RNF111: variants seen among roughly 807,000 people sequenced by gnomAD.
The protein encoded by RNF111 is E3 ubiquitin-protein ligase Arkadia.
Under a neutral mutation model 95.1 loss-of-function variants are expected in RNF111, and 17 were observed. That is an observed-to-expected ratio of 0.18 (90% CI 0.12 to 0.27). RNF111 has a LOEUF of 0.27. Ranked by LOEUF, RNF111 falls within the 10% of genes least tolerant of loss-of-function variation. The pLI is 1.00. For missense variants in RNF111, 1,189 were observed against 1,210.4 expected (o/e 0.98, Z 0.26); for synonymous variants, 440 against 414.8 (o/e 1.06, Z -0.74).
rs1327512697 is a variant in RNF111 at position 59,045,363 on chromosome 15, G to A, written c.881-6942G>A. 3.3e-5 allele frequency among the ~76,000 whole-genome samples: 5 copies of A among 151,786 alleles called. 1 individual carries two copies. Among genetic ancestry groups the A allele is most frequent in the Admixed American group, 3.3e-4 (5 of 15,240 alleles). Reference sequence around the variant, plus strand: ...CTGCCACCACACCTGGCTACTTTTTGCATTTTTAGTAGAGACGGGGTTTTA... The same window carrying A: ...CTGCCACCACACCTGGCTACTTTTTACATTTTTAGTAGAGACGGGGTTTTA... On this transcript the variant is annotated intron_variant, in intron 2 of 13. Transcript: ENST00000348370.
At chr15:59,093,780 G>A (rs187253149) in intron 13 of RNF111, among the ~76,000 whole-genome samples, 14 of 151,682 alleles carry the variant, frequency 9.2e-5, no homozygotes, top group Non-Finnish European at 8.8e-5. Context: ...TAACTTTGTC[G>A]TACCTCTTCA....
chr15:59,019,849 C>T (rs2040246225), intron 1 of RNF111, among the ~76,000 whole-genome samples: 1 of 151,982 alleles, frequency 6.6e-6, no homozygotes, highest in Admixed American at 6.6e-5. Flanking sequence ...GTCCTAGCTG[C>T]TCGGGAGGCT....
chr15:59,071,703 A>T (rs75368214), intron 6 of RNF111, among the ~76,000 whole-genome samples: 9 of 146,166 alleles, frequency 6.2e-5, no homozygotes, highest in Admixed American at 4.7e-4. Context: ...AAAAAAAAAA[A>T]AATAAAGTTT....
At chr15:59,081,338 A>T (rs190089576) in intron 8 of RNF111, 54 bp downstream of exon 8, 1 of 1,449,484 alleles carries the variant, frequency 6.9e-7, no homozygotes, top group East Asian at 2.4e-5. Context: ...TTCTACTTCC[A>T]TTGGTCTTTA....
chr15:59,089,794 G>A, intron 11 of RNF111, 35 bp downstream of exon 11: 1 of 1,412,464 alleles, frequency 7.1e-7, no homozygotes, highest in Non-Finnish European at 1.0e-6. Context: ...GTTTGTCACA[G>A]TATCTTTAAT....
chr15:59,019,105 A>ATTTTTTTTTTTTTTTTTTTTTTTT (rs35154303), intron 1 of RNF111, among the ~76,000 whole-genome samples: 2 of 121,260 alleles, frequency 1.6e-5, no homozygotes, highest in African/African-American at 3.1e-5. Context: ...GTATTTTTGT[A>ATTTTTTTTTTTTTTTTTTTTTTTT]TTTTTTTTTT....
Position 59,055,762 on chromosome 15 carries a change from G to C in RNF111, c.1088G>C (p.Arg363Pro). ...SSHASRPQEP[R>P]NRSRISTVIQ... is the part of the protein sequence containing the mutation. The stretch of plus-strand genomic sequence containing the variant: ...CATGCAAGTCGGCCACAGGAGCCAC[G>C]GAACCGCAGTAGGATTTCTACTGTT... Residue 363 changes from arginine to proline, a missense_variant, in exon 4 of 14, where the codon CGG (arginine) becomes CCG (proline). Transcript: ENST00000348370. 1 of 1,613,904 alleles carries C rather than the reference G, an allele frequency of 6.2e-7. No individual in the cohort carries two copies. The highest frequency in any genetic ancestry group is 2.2e-5 in the East Asian group (1 of 44,852).
At chr15:59,045,183 T>C (rs949656475) in intron 2 of RNF111, among the ~76,000 whole-genome samples, 1 of 150,874 alleles carries the variant, frequency 6.6e-6, no homozygotes, top group African/African-American at 2.4e-5. Flanking sequence ...TTTTTTTAAG[T>C]GTTTCCTCTT....
intron 1 of RNF111, among the ~76,000 whole-genome samples, chr15:59,008,411 G>T (rs1036353869): frequency 2.2e-4 from 34 of 152,096 alleles, no homozygotes; most frequent in South Asian, 2.1e-4. Flanking sequence ...TAGAGACAGG[G>T]TCTCACTTTA....
chr15:58,992,768 C>T (rs1234559676), intron 1 of RNF111, among the ~76,000 whole-genome samples: 2 of 151,998 alleles, frequency 1.3e-5, no homozygotes, highest in African/African-American at 4.8e-5. Flanking sequence ...TGCAATGAGC[C>T]GAGATTGTGC....
At position 59,030,831 on chromosome 15, in the gene RNF111, A is replaced by G. The variant is rs141630373; in HGVS notation, c.9A>G (p.Gln3=). 5.0e-5 allele frequency: 78 copies of G among 1,564,626 alleles called. No homozygotes were observed. The highest frequency in any genetic ancestry group is 3.3e-4 in the African/African-American group (22 of 65,900). The change falls in exon 2 of 14, where the codon CAA becomes CAG. Residue 3 remains glutamine (Q), a synonymous_variant. Transcript: ENST00000348370. ...TTTCCTTAAAGTTTCCCATGTCTCA[A>G]TGGACTCCTGAATATAACGAGCTCT... MS[Q]WTPEYNELYT...
rs760760608 is a variant in RNF111 at position 59,031,629 on chromosome 15, A to G, written c.807A>G (p.Ser269=). 2 of 1,614,218 alleles carry G rather than the reference A, an allele frequency of 1.2e-6. No homozygotes were observed. The highest frequency in any genetic ancestry group is 2.2e-5 in the East Asian group (1 of 44,886). The stretch of plus-strand genomic sequence containing the variant: ...TCAGCAGTGAATCCTCTTCTAGCTC[A>G]TCAACTGAAGGAGAAGAAGATTTGT... ...NDLSSESSSS[S]STEGEEDLFV... is the part of the protein sequence containing the mutation. The change falls in exon 2 of 14, where the codon TCA becomes TCG. Residue 269 remains serine (S), a synonymous_variant. Coordinates refer to ENST00000348370, the MANE Select transcript of RNF111 (RefSeq NM_017610.8).
chr15:59,008,790 T>TA (rs1436401065), intron 1 of RNF111, among the ~76,000 whole-genome samples: 4 of 152,126 alleles, frequency 2.6e-5, no homozygotes, highest in East Asian at 3.9e-4. Flanking sequence ...GCTTATACTT[T>TA]AAAAAAAATC....
chr15:59,057,435 G>A (rs1233356393), intron 4 of RNF111, among the ~76,000 whole-genome samples: 1 of 152,100 alleles, frequency 6.6e-6, no homozygotes, highest in Non-Finnish European at 1.5e-5. Context: ...TTACCTTACT[G>A]CATTGTATAG....
At position 59,030,899 on chromosome 15, in the gene RNF111, C is replaced by T. The variant is rs1481362427; in HGVS notation, c.77C>T (p.Ala26Val). 1 of 1,614,034 alleles carries T rather than the reference C, an allele frequency of 6.2e-7. No individual in the cohort carries two copies. The highest frequency in any genetic ancestry group is 1.7e-5 in the Admixed American group (1 of 60,004). Residue 26 changes from alanine (A) to valine (V), a missense_variant, in exon 2 of 14, where the codon GCA (alanine) becomes GTA (valine). This residue lies in a region of RNF111 where 1,024 missense variants were observed against 925.9 expected (regional missense o/e 1.11). Transcript: ENST00000348370. The part of the protein sequence containing the change: ...VDMKSEIPSD[A>V]PKTQESLKGI... Reference sequence around the variant, plus strand: ...ATGAAGAGTGAGATTCCTTCTGATGCACCAAAGACACAGGAGAGTCTGAAA... The same window carrying T: ...ATGAAGAGTGAGATTCCTTCTGATGTACCAAAGACACAGGAGAGTCTGAAA...
At chr15:59,006,273 A>G (rs537990747) in intron 1 of RNF111, among the ~76,000 whole-genome samples, 40 of 152,334 alleles carry the variant, frequency 2.6e-4, no homozygotes, top group African/African-American at 9.4e-4. Context: ...ATTTTGGCAA[A>G]TGTGTCTGTC....
chr15:59,013,989 C>T (rs1428016199), intron 1 of RNF111, among the ~76,000 whole-genome samples: 1 of 152,100 alleles, frequency 6.6e-6, no homozygotes, highest in Non-Finnish European at 1.5e-5. Flanking sequence ...AAAGGTTTCA[C>T]TATATTGCCC....
At chr15:59,068,630 A>G (rs1396897968) in intron 6 of RNF111, among the ~76,000 whole-genome samples, 2 of 151,504 alleles carry the variant, frequency 1.3e-5, no homozygotes, top group Non-Finnish European at 2.9e-5. Context: ...TTTTTTTGAG[A>G]TGGAGTGTCA....
intron 5 of RNF111, among the ~76,000 whole-genome samples, chr15:59,063,762 T>A (rs1236522098): frequency 6.6e-6 from 1 of 152,194 alleles, no homozygotes; most frequent in Admixed American, 6.5e-5. Flanking sequence ...GTCATATCCA[T>A]CACTTTAGTG....
Sources: allele counts gnomAD v4.1 joint callset (sites outside exome capture counted in the v4.1 genomes callset), GRCh38; gene constraint gnomAD v4.1.1; regional missense constraint gnomAD v4.1.1; transcripts MANE v1.5; gene names NCBI Gene and HGNC (gene_info 2026-07-23, HGNC 2026-07-21).